SAMHD1: variants seen among roughly 807,000 people sequenced by gnomAD.
SAMHD1 encodes the protein deoxynucleoside triphosphate triphosphohydrolase SAMHD1.
Under a neutral mutation model 79.6 loss-of-function variants are expected in SAMHD1, and 54 were observed. The ratio of observed to expected loss-of-function variants is 0.68; its 90% CI spans 0.55 to 0.85. SAMHD1 has a LOEUF of 0.85. Among genes scored for constraint, SAMHD1 ranks in the 40% least tolerant of loss-of-function variants. The probability of loss-of-function intolerance (pLI) is 0.00; values close to 1 mark genes in which losing one functional copy is unlikely to be tolerated. For missense variants in SAMHD1, 663 were observed against 782.7 expected, an observed-to-expected ratio of 0.85 and a Z score of 1.82; for synonymous variants, 260 against 264.1, an observed-to-expected ratio of 0.98 and a Z score of 0.15.
At position 36,919,507 on chromosome 20, in the gene SAMHD1, A is replaced by G; in HGVS notation, c.709T>C (p.Ser237Pro). The G allele has an allele frequency of 6.2e-7, 1 of 1,613,458 alleles. No homozygotes were observed. The highest frequency in any genetic ancestry group is 8.5e-7 in the Non-Finnish European group (1 of 1,179,828). ...ATAAGGTGCTCAAACATCATAACTG[A>G]GCCTTGTTCATGCTAGGAAAAGTAA... ...PEVKWTHEQG[S>P]VMMFEHLINS... Residue 237 changes from serine to proline, a missense_variant, in exon 7 of 16, where the codon TCA (serine) becomes CCA (proline). Coordinates refer to ENST00000646673, the MANE Select transcript of SAMHD1 (RefSeq NM_015474.4).
rs1184084125 is a variant in SAMHD1 at position 36,891,658 on chromosome 20, G to A, written c.*1274C>T. ...AGCGGAGCCTGGAGCCCACTGGGTGGTCACTAATTTCAGCACAGGCAGTGC... is the reference window on the plus strand; with the variant it reads ...AGCGGAGCCTGGAGCCCACTGGGTGATCACTAATTTCAGCACAGGCAGTGC... On this transcript the variant is annotated 3_prime_UTR_variant, in exon 16 of 16. Transcript: ENST00000646673. The A allele has an allele frequency of 6.6e-6, 1 of 152,222 alleles. No homozygotes were observed. The highest frequency in any genetic ancestry group is 2.4e-5 in the African/African-American group (1 of 41,446). 9.4% of individuals were successfully genotyped at this position (152,222 alleles called of 1,614,324 possible).
At position 36,890,414 on chromosome 20, in the gene SAMHD1, C is replaced by CTTTCTTTCTTTCTTTCTTTCTTTCTT. The variant is rs1555830169; in HGVS notation, c.*2517_*2518insAAGAAAGAAAGAAAGAAAGAAAGAAA. On this transcript the variant is annotated 3_prime_UTR_variant, in exon 16 of 16. Transcript: ENST00000646673. ...TTTCTTTCTCTTTCTTTCTTTCTTT[C>CTTTCTTTCTTTCTTTCTTTCTTTCTT]TTTCTTTTCTTTCTCTCTTTCCTTC... The CTTTCTTTCTTTCTTTCTTTCTTTCTT allele has an allele frequency of 6.7e-6, 1 of 149,990 alleles. No homozygotes were observed. Among genetic ancestry groups the CTTTCTTTCTTTCTTTCTTTCTTTCTT allele is most frequent in the Non-Finnish European group, 1.5e-5 (1 of 67,660 alleles). The allele number at this position is 149,990 out of a possible 1,614,324, so 9.3% of individuals were successfully genotyped here.
At chr20:36,914,500 G>A (rs769763116) in intron 9 of SAMHD1, among the ~76,000 whole-genome samples, 2 of 151,712 alleles carry the variant, frequency 1.3e-5, no homozygotes, top group East Asian at 2.0e-4. Context: ...ACAGGCACTC[G>A]CCACTGCGCC....
rs747508625 is a variant in SAMHD1 at position 36,898,434 on chromosome 20, A to G, written c.1608+6T>C. 1 of 1,597,322 alleles carries G rather than the reference A, an allele frequency of 6.3e-7. No homozygotes were observed. The highest frequency in any genetic ancestry group is 1.1e-5 in the South Asian group (1 of 90,696). Reference sequence around the variant, plus strand: ...TATAGTATATTTGTTTTGCCTAAGTAGTTACCTGGTTTTTAGTAATCCTGA... The same window carrying G: ...TATAGTATATTTGTTTTGCCTAAGTGGTTACCTGGTTTTTAGTAATCCTGA... On this transcript the variant is annotated splice_donor_region_variant and intron_variant, in intron 14 of 15. Coordinates refer to ENST00000646673, the MANE Select transcript of SAMHD1 (RefSeq NM_015474.4).
chr20:36,949,753 CT>C (rs1399098483), intron 1 of SAMHD1, among the ~76,000 whole-genome samples: 146 of 61,920 alleles, frequency 2.4e-3, no homozygotes, highest in African/African-American at 8.9e-3. Flanking sequence ...GAGACTCTGT[CT>C]CAAAAAAAAA....
rs772717044 is a variant in SAMHD1 at position 36,935,113 on chromosome 20, T to G, written c.425A>C (p.Gln142Pro). ...LVRIIDTPQF[Q>P]RLRYIKQLGG... is the part of the protein sequence containing the mutation. ...CAGCTGTTTGATGTATCGAAGACGT[T>G]GAAATTGAGGTGTATCAATGATTCG... Residue 142 changes from glutamine to proline, a missense_variant, in exon 4 of 16, where the codon CAA becomes CCA. Gln to Pro is a moderately conservative substitution (Grantham distance 76). Transcript: ENST00000646673. 6.2e-7 allele frequency: 1 copy of G among 1,613,860 alleles called. No individual in the cohort carries two copies. Among genetic ancestry groups the G allele is most frequent in the Non-Finnish European group, 8.5e-7 (1 of 1,179,880 alleles).
At chr20:36,948,993 G>A (rs1365577449) in intron 1 of SAMHD1, among the ~76,000 whole-genome samples, 9 of 151,996 alleles carry the variant, frequency 5.9e-5, no homozygotes, top group Non-Finnish European at 7.4e-5. Flanking sequence ...GGCCGGGCGC[G>A]GTGGCTCACG....
rs548965657 is a variant in SAMHD1 at position 36,942,643 on chromosome 20, T to C, written c.276-1532A>G. 7.0e-3 allele frequency among the ~76,000 whole-genome samples: 751 copies of C among 108,012 alleles called. 6 individuals are homozygous for C. Among genetic ancestry groups the C allele is most frequent in the Non-Finnish European group, 8.2e-3 (452 of 55,434 alleles). 70.9% of individuals were successfully genotyped at this position (108,012 alleles called of 152,430 possible). ...TGTATATTTAACGTGACAATGTTTC[T>C]ATCTAACTTCTTTTTTTTTTTGAAA... On this transcript the variant is annotated intron_variant, in intron 2 of 15. Transcript: ENST00000646673.
chr20:36,892,877 G>A lies in SAMHD1; in HGVS notation c.*55C>T, dbSNP rs1205980777. ...TAATTTGCAGAATTCTATGATTGAAGCCTCTAAATGAATTGTGCAGGAGAG... is the reference window on the plus strand; with the variant it reads ...TAATTTGCAGAATTCTATGATTGAAACCTCTAAATGAATTGTGCAGGAGAG... On this transcript the variant is annotated 3_prime_UTR_variant, in exon 16 of 16. Coordinates refer to ENST00000646673, the MANE Select transcript of SAMHD1 (RefSeq NM_015474.4). 1 of 1,600,652 alleles carries A rather than the reference G, an allele frequency of 6.2e-7. No homozygotes were observed.
intron 6 of SAMHD1, among the ~76,000 whole-genome samples, chr20:36,925,256 A>T (rs1401063392): frequency 6.6e-6 from 1 of 152,218 alleles, no homozygotes; most frequent in South Asian, 2.1e-4. Context: ...AAAATGCTTA[A>T]AGGAATAGAT....
Position 36,942,821 on chromosome 20 carries a change from T to C in SAMHD1, c.276-1710A>G, listed in dbSNP as rs917582593. 2.0e-5 allele frequency among the ~76,000 whole-genome samples: 3 copies of C among 152,134 alleles called. No individual in the cohort carries two copies. The East Asian group carries it at 5.8e-4, about 30-fold the overall frequency. ...GCCACCATGCCCAGCTAATTTCTTTTTTGTTTTTGTATTTTTAGTAGAGAC... is the reference window on the plus strand; with the variant it reads ...GCCACCATGCCCAGCTAATTTCTTTCTTGTTTTTGTATTTTTAGTAGAGAC... On this transcript the variant is annotated intron_variant, in intron 2 of 15. Transcript: ENST00000646673.
At chr20:36,928,855 G>A (rs2063551657) in intron 5 of SAMHD1, among the ~76,000 whole-genome samples, 1 of 152,024 alleles carries the variant, frequency 6.6e-6, no homozygotes, top group Non-Finnish European at 1.5e-5. Context: ...TCAGGAGTTT[G>A]AGACCAGCCT....
At chr20:36,918,551 C>G (rs2063488153) in intron 7 of SAMHD1, among the ~76,000 whole-genome samples, 1 of 151,844 alleles carries the variant, frequency 6.6e-6, no homozygotes, top group African/African-American at 2.4e-5. Context: ...CTTGTAATCC[C>G]ACCACTTTGG....
Position 36,924,975 on chromosome 20 carries a change from G to A in SAMHD1, c.696+2207C>T, listed in dbSNP as rs541746603. Reference sequence around the variant, plus strand: ...AGTTCGAGACCAGCCTAACCAACATGGTGAAAGCCATCTCTACTAAAAATA... The same window carrying A: ...AGTTCGAGACCAGCCTAACCAACATAGTGAAAGCCATCTCTACTAAAAATA... On this transcript the variant is annotated intron_variant, in intron 6 of 15. Transcript: ENST00000646673. 5.3e-5 allele frequency among the ~76,000 whole-genome samples: 8 copies of A among 151,936 alleles called. No individual in the cohort carries two copies. In the East Asian group the frequency reaches 1.4e-3, roughly 26 times the overall value.
intron 5 of SAMHD1, among the ~76,000 whole-genome samples, chr20:36,928,609 C>T (rs563817362): frequency 1.3e-3 from 190 of 149,072 alleles, no homozygotes; most frequent in Admixed American, 2.8e-3. Flanking sequence ...CGCTTGAACC[C>T]GGGAGGCGGA....
chr20:36,930,626 A>G lies in SAMHD1; in HGVS notation c.625+134T>C, dbSNP rs7262782. ...TCATTCTAGGAAGAAGCAACAGTAC[A>G]TTTATACTAACATCAACTGAAGAAT... On this transcript the variant is annotated intron_variant, in intron 5 of 15. Transcript: ENST00000646673. 993 of 750,002 alleles carry G rather than the reference A, an allele frequency of 1.3e-3. 4 individuals are homozygous for G. The highest frequency in any genetic ancestry group is 0.012 in the African/African-American group (719 of 58,570). 46.5% of individuals were successfully genotyped at this position (750,002 alleles called of 1,614,324 possible). A position where few individuals can be genotyped will look rare whatever the true frequency, so the allele number is the denominator to read the frequency against.
chr20:36,938,137 G>A (rs1264990619), intron 3 of SAMHD1, among the ~76,000 whole-genome samples: 1 of 151,974 alleles, frequency 6.6e-6, no homozygotes, highest in Non-Finnish European at 1.5e-5. Flanking sequence ...CAAAGTGCTG[G>A]GATTACGGGT....
Position 36,893,050 on chromosome 20 carries a change from G to T in SAMHD1, c.1763C>A (p.Ala588Asp). The stretch of plus-strand genomic sequence containing the variant: ...CTTTTTTTGAGGTGTTATGAGTGGG[G>T]CTATAACATCGCCATCCTATTAGGA... ...FTKPQDGDVI[A>D]PLITPQKKEW... Residue 588 changes from alanine to aspartate, a missense_variant, in exon 16 of 16, where the codon GCC becomes GAC. By Grantham distance (126) the Ala-to-Asp change is moderately radical (BLOSUM62 -2). Transcript: ENST00000646673. 6.2e-7 allele frequency: 1 copy of T among 1,613,472 alleles called. No individual in the cohort carries two copies. The highest frequency in any genetic ancestry group is 8.5e-7 in the Non-Finnish European group (1 of 1,179,980).
chr20:36,910,663 G>C (rs1163977165), intron 11 of SAMHD1, among the ~76,000 whole-genome samples: 2 of 151,140 alleles, frequency 1.3e-5, no homozygotes, highest in Non-Finnish European at 2.9e-5. Flanking sequence ...CCAAGAGGTG[G>C]AGGTTGCAGT....
Sources: gnomAD v4.1 joint callset for allele counts (sites outside exome capture counted in the v4.1 genomes callset) on GRCh38, gnomAD v4.1.1 for gene constraint, MANE v1.5 for transcripts, NCBI Gene and HGNC (gene_info 2026-07-23, HGNC 2026-07-21) for gene names.